ABCB1: variants seen among roughly 807,000 people sequenced by gnomAD.
ABCB1 encodes ATP-dependent translocase ABCB1.
Under a neutral mutation model 142.0 loss-of-function variants are expected in ABCB1, and 69 were observed. The observed-to-expected ratio is 0.49, with a 90% confidence interval of 0.40 to 0.59. The LOEUF (loss-of-function observed/expected upper bound fraction) is 0.59, where lower values mean the gene tolerates loss of function less well. Ranked by LOEUF, ABCB1 falls within the 20% of genes least tolerant of loss-of-function variation. The pLI is 0.00. For synonymous variants in ABCB1, 532 were observed against 539.2 expected, an observed-to-expected ratio of 0.99 and a Z score of 0.18; for missense variants, 1,326 against 1,554.7, an observed-to-expected ratio of 0.85 and a Z score of 2.47.
chr7:87,712,879 G>A (rs564570200), intron 1 of ABCB1, among the ~76,000 whole-genome samples: 2 of 152,038 alleles, frequency 1.3e-5, no homozygotes, highest in South Asian at 2.1e-4. Context: ...CACATTTATC[G>A]AATAATAGGA....
At position 87,579,938 on chromosome 7, in the gene ABCB1, C is replaced by G. The variant is rs1331996223; in HGVS notation, c.286+5574G>C. Among the ~76,000 whole-genome samples the G allele has an allele frequency of 3.3e-5, 5 of 152,282 alleles. No individual in the cohort carries two copies. In the East Asian group the frequency reaches 9.6e-4, roughly 29 times the overall value. On this transcript the variant is annotated intron_variant, in intron 4 of 27. Transcript: ENST00000622132. ...CAAGCAAAGGGAAAACTAATACAAA[C>G]TCTACACTTTAACTTCAGCTCCCTA...
chr7:87,538,871 G>A (rs1489250556), intron 19 of ABCB1, among the ~76,000 whole-genome samples: 4 of 151,932 alleles, frequency 2.6e-5, no homozygotes, highest in Admixed American at 6.6e-5. Context: ...TTTGATTTGC[G>A]GAAAGAAAGA....
intron 21 of ABCB1, chr7:87,522,313 C>A (rs773158168): frequency 1.3e-6 from 1 of 760,698 alleles, no homozygotes; most frequent in Non-Finnish European, 2.4e-6. Flanking sequence ...GAAGCTCTGG[C>A]CCCTATGCTG....
intron 2 of ABCB1, 48 bp downstream of exon 2, chr7:87,600,069 T>G: frequency 6.6e-7 from 1 of 1,524,586 alleles, no homozygotes; most frequent in South Asian, 1.1e-5. Flanking sequence ...AATAAATTAC[T>G]CAAATCTCGC....
intron 4 of ABCB1, among the ~76,000 whole-genome samples, chr7:87,580,043 A>AT (rs1171193437): frequency 6.6e-6 from 1 of 152,046 alleles, no homozygotes; most frequent in East Asian, 1.9e-4. Flanking sequence ...TTATAGGTTC[A>AT]TTTTTTAGCC....
At chr7:87,621,702 A>T (rs1820229006) in intron 1 of ABCB1, among the ~76,000 whole-genome samples, 1 of 152,090 alleles carries the variant, frequency 6.6e-6, no homozygotes, top group Non-Finnish European at 1.5e-5. Context: ...TTGGTGAGAA[A>T]ATATATTGAC....
chr7:87,590,854 C>T (rs1022970935), intron 3 of ABCB1, among the ~76,000 whole-genome samples: 2 of 152,012 alleles, frequency 1.3e-5, no homozygotes, highest in Admixed American at 1.3e-4. Flanking sequence ...GATGTGGCTG[C>T]TATGGGTAAA....
chr7:87,627,327 T>A (rs73705278), intron 1 of ABCB1, among the ~76,000 whole-genome samples: 2,006 of 152,314 alleles, frequency 0.013, 48 homozygotes, highest in African/African-American at 0.046. Flanking sequence ...TGACATTCTT[T>A]GACAGAAACT....
intron 1 of ABCB1, among the ~76,000 whole-genome samples, chr7:87,702,531 C>T (rs572934423): frequency 8.1e-4 from 124 of 152,248 alleles, no homozygotes; most frequent in Non-Finnish European, 1.6e-3. Context: ...CTTTCTGCTG[C>T]AGCCTCCCGA....
intron 20 of ABCB1, among the ~76,000 whole-genome samples, chr7:87,534,777 T>C (rs1816205465): frequency 6.6e-6 from 1 of 151,866 alleles, no homozygotes; most frequent in Admixed American, 6.6e-5. Flanking sequence ...TAGCTCGACA[T>C]GGTGGTGCAC....
At chr7:87,506,965 A>T (rs953123681) in intron 26 of ABCB1, among the ~76,000 whole-genome samples, 2 of 152,208 alleles carry the variant, frequency 1.3e-5, no homozygotes, top group Admixed American at 1.3e-4. Context: ...AGGCAGGAGC[A>T]CTGAAGTGTA....
intron 1 of ABCB1, chr7:87,628,626 G>T (rs75452195): frequency 1.0e-4 from 36 of 345,602 alleles, no homozygotes; most frequent in African/African-American, 2.3e-4. Context: ...TGTGTGTGTG[G>T]AGCTCGGGTG....
At chr7:87,553,557 T>C (rs546994248) in intron 9 of ABCB1, among the ~76,000 whole-genome samples, 36 of 152,234 alleles carry the variant, frequency 2.4e-4, no homozygotes, top group South Asian at 1.2e-3. Context: ...CCTGACCTCG[T>C]GATCTGCCTG....
chr7:87,506,189 A>T (rs1814732624), intron 26 of ABCB1, 146 bp from the exon 27 acceptor site: 2 of 808,404 alleles, frequency 2.5e-6, no homozygotes, highest in East Asian at 5.3e-5. Flanking sequence ...TTAAGGAAAG[A>T]ACAGTAAAAA....
chr7:87,521,148 G>A (rs1815486912), intron 21 of ABCB1: 2 of 440,430 alleles, frequency 4.5e-6, no homozygotes, highest in Non-Finnish European at 8.3e-6. Context: ...ACAGCTTTAC[G>A]TGGCTTCGCA....
chr7:87,672,663 T>C (rs192624748), intron 1 of ABCB1, among the ~76,000 whole-genome samples: 159 of 152,280 alleles, frequency 1.0e-3, no homozygotes, highest in African/African-American at 3.7e-3. Context: ...CAAGACTCCA[T>C]GTAGCTCTGT....
At chr7:87,524,160 A>C (rs1815669593) in intron 21 of ABCB1, among the ~76,000 whole-genome samples, 1 of 152,030 alleles carries the variant, frequency 6.6e-6, no homozygotes, top group Non-Finnish European at 1.5e-5. Context: ...ATCTATCAGA[A>C]GTAAAAAAAA....
At chr7:87,624,300 T>C (rs1245010122) in intron 1 of ABCB1, among the ~76,000 whole-genome samples, 1 of 152,216 alleles carries the variant, frequency 6.6e-6, no homozygotes, top group Non-Finnish European at 1.5e-5. Context: ...TCTTCAATGT[T>C]TCTAGTTTCT....
intron 1 of ABCB1, among the ~76,000 whole-genome samples, chr7:87,632,745 A>G (rs907465238): frequency 6.6e-6 from 1 of 152,206 alleles, no homozygotes; most frequent in Non-Finnish European, 1.5e-5. Context: ...AAAACCTTAT[A>G]TAGTCCTTTG....
Sources: allele counts gnomAD v4.1 joint callset (sites outside exome capture counted in the v4.1 genomes callset), GRCh38; gene constraint gnomAD v4.1.1; transcripts MANE v1.5; gene names NCBI Gene and HGNC (gene_info 2026-07-23, HGNC 2026-07-21).